TBC1D5: variants seen among roughly 807,000 people sequenced by gnomAD.
TBC1D5 encodes the protein TBC1 domain family, member 5.
Under a neutral mutation model 100.3 loss-of-function variants are expected in TBC1D5, and 75 were observed. The observed-to-expected ratio is 0.75, with a 90% CI of 0.62 to 0.91. TBC1D5 has a LOEUF of 0.91. Among genes scored for constraint, TBC1D5 ranks in the 40% least tolerant of loss-of-function variants. The probability of loss-of-function intolerance (pLI) is 0.00; values close to 1 mark genes in which losing one functional copy is unlikely to be tolerated. For missense variants in TBC1D5, 910 were observed against 942.4 expected, an observed-to-expected ratio of 0.97 and a Z score of 0.45; for synonymous variants, 323 against 325.6, an observed-to-expected ratio of 0.99 and a Z score of 0.09.
chr3:17,433,991 A>G (rs2094490969), intron 3 of TBC1D5, among the ~76,000 whole-genome samples: 1 of 152,188 alleles, frequency 6.6e-6, no homozygotes, highest in East Asian at 1.9e-4. Context: ...TCTCACATCT[A>G]TGTCACACTG....
intron 13 of TBC1D5, among the ~76,000 whole-genome samples, chr3:17,336,581 TAA>T (rs979070101): frequency 1.3e-5 from 2 of 151,596 alleles, no homozygotes; most frequent in African/African-American, 4.9e-5. Context: ...GAGAAAATGA[TAA>T]AGAGGAAAGG....
At chr3:17,606,015 T>TA (rs1193611765) in intron 2 of TBC1D5, among the ~76,000 whole-genome samples, 2 of 152,220 alleles carry the variant, frequency 1.3e-5, no homozygotes, top group African/African-American at 4.8e-5. Context: ...TAAATTGTGA[T>TA]AGACTAGAAC....
intron 15 of TBC1D5, among the ~76,000 whole-genome samples, chr3:17,267,537 C>G (rs2078976787): frequency 6.6e-6 from 1 of 152,070 alleles, no homozygotes; most frequent in Admixed American, 6.6e-5. Context: ...ATTTGGGAAA[C>G]AGAGGTAAAG....
chr3:17,291,487 T>C (rs896677824), intron 15 of TBC1D5, among the ~76,000 whole-genome samples: 33 of 152,370 alleles, frequency 2.2e-4, no homozygotes, highest in Admixed American at 1.7e-3. Context: ...CTTATAGAAC[T>C]GGTCCTTTGT....
At chr3:17,250,664 C>A (rs1385386228) in intron 16 of TBC1D5, among the ~76,000 whole-genome samples, 1 of 152,214 alleles carries the variant, frequency 6.6e-6, no homozygotes, top group Non-Finnish European at 1.5e-5. Context: ...CCACGTGGCA[C>A]CCTCACTATT....
chr3:17,413,535 TAATTA>T (rs147629278), intron 4 of TBC1D5, among the ~76,000 whole-genome samples: 9,215 of 152,178 alleles, frequency 0.061, 538 homozygotes, highest in African/African-American at 0.15. Context: ...TTTTAACATA[TAATTA>T]AATAGTAGTT....
chr3:17,376,956 T>C (rs912004799), intron 9 of TBC1D5, among the ~76,000 whole-genome samples: 1 of 152,130 alleles, frequency 6.6e-6, no homozygotes, highest in Non-Finnish European at 1.5e-5. Flanking sequence ...CAAATTATAA[T>C]CATGAGCTAC....
chr3:17,713,327 C>T (rs1395304140), intron 1 of TBC1D5, among the ~76,000 whole-genome samples: 4 of 151,444 alleles, frequency 2.6e-5, no homozygotes, highest in Admixed American at 1.3e-4. Context: ...CTGCAAGCTC[C>T]GCCTCCAGGG....
chr3:17,589,604 C>T (rs191511203), intron 2 of TBC1D5, among the ~76,000 whole-genome samples: 4 of 152,344 alleles, frequency 2.6e-5, no homozygotes, highest in Admixed American at 6.5e-5. Flanking sequence ...CCACATGGAA[C>T]TGCAAGTACA....
At chr3:17,477,302 T>G (rs918809959) in intron 3 of TBC1D5, among the ~76,000 whole-genome samples, 2 of 152,056 alleles carry the variant, frequency 1.3e-5, no homozygotes, top group Non-Finnish European at 2.9e-5. Context: ...TATTTTATTT[T>G]TATCCATATT....
chr3:17,690,159 C>A (rs930526228), intron 1 of TBC1D5, among the ~76,000 whole-genome samples: 1 of 150,962 alleles, frequency 6.6e-6, no homozygotes, highest in Non-Finnish European at 1.5e-5. Context: ...GAAAAATAAC[C>A]ATTATAATAA....
chr3:17,499,841 T>C (rs540948207), intron 3 of TBC1D5, among the ~76,000 whole-genome samples: 4 of 149,618 alleles, frequency 2.7e-5, no homozygotes, highest in African/African-American at 1.0e-4. Context: ...TTTAAGATAA[T>C]ACTCTAAATC....
chr3:17,210,109 C>T (rs1222448813), intron 18 of TBC1D5, among the ~76,000 whole-genome samples: 3 of 152,084 alleles, frequency 2.0e-5, no homozygotes, highest in Non-Finnish European at 4.4e-5. Flanking sequence ...AATGTCTAAA[C>T]ATGGCTTTAT....
chr3:17,472,720 C>T (rs1033694636), intron 3 of TBC1D5, among the ~76,000 whole-genome samples: 4 of 152,168 alleles, frequency 2.6e-5, no homozygotes, highest in African/African-American at 9.7e-5. Context: ...AGAGAGTAGG[C>T]ACTCAATAAA....
chr3:17,481,915 A>AT (rs1289387101), intron 3 of TBC1D5, among the ~76,000 whole-genome samples: 1 of 152,090 alleles, frequency 6.6e-6, no homozygotes, highest in Non-Finnish European at 1.5e-5. Context: ...TAATTTTTAT[A>AT]TTTTTAGTAG....
chr3:17,466,020 A>C (rs764086844), intron 3 of TBC1D5, among the ~76,000 whole-genome samples: 2 of 152,224 alleles, frequency 1.3e-5, no homozygotes, highest in African/African-American at 4.8e-5. Flanking sequence ...TGATATGGAC[A>C]ACTGGTGGCA....
At chr3:17,609,351 A>G (rs935537140) in intron 2 of TBC1D5, among the ~76,000 whole-genome samples, 1 of 152,168 alleles carries the variant, frequency 6.6e-6, no homozygotes, top group Non-Finnish European at 1.5e-5. Flanking sequence ...ATTACAAAAA[A>G]TGTTCTCTGA....
chr3:17,459,303 A>T (rs1318308500), intron 3 of TBC1D5, among the ~76,000 whole-genome samples: 17 of 152,158 alleles, frequency 1.1e-4, no homozygotes, highest in Admixed American at 1.1e-3. Context: ...ACCTCAGATC[A>T]TCAGGCATTA....
At chr3:17,481,971 C>G (rs1450742164) in intron 3 of TBC1D5, among the ~76,000 whole-genome samples, 1 of 152,186 alleles carries the variant, frequency 6.6e-6, no homozygotes, top group Non-Finnish European at 1.5e-5. Flanking sequence ...GAACTCCTGA[C>G]CTCAGATGAT....
Sources: allele counts gnomAD v4.1 joint callset (sites outside exome capture counted in the v4.1 genomes callset), GRCh38; gene constraint gnomAD v4.1.1; transcripts MANE v1.5; gene names NCBI Gene and HGNC (gene_info 2026-07-23, HGNC 2026-07-21).